FAM135B: variants seen among roughly 807,000 people sequenced by gnomAD.
The protein encoded by FAM135B is protein FAM135B.
FAM135B carries 43 observed loss-of-function variants against 127.7 expected under a neutral mutation model. The observed-to-expected ratio is 0.34, with a 90% confidence interval of 0.26 to 0.43. The LOEUF is 0.43. FAM135B is among the 20% of genes least tolerant of loss of function. The pLI is 1.00. For missense variants in FAM135B, 1,558 were observed against 1,725.6 expected, an observed-to-expected ratio of 0.90 and a Z score of 1.72; for synonymous variants, 670 against 665.1, an observed-to-expected ratio of 1.01 and a Z score of -0.11.
intron 2 of FAM135B, among the ~76,000 whole-genome samples, chr8:138,342,103 T>C (rs1038042238): frequency 6.6e-6 from 1 of 152,170 alleles, no homozygotes; most frequent in Admixed American, 6.5e-5. Flanking sequence ...GATCTCCACA[T>C]CTCTTCACCC....
intron 9 of FAM135B, among the ~76,000 whole-genome samples, chr8:138,192,613 T>C (rs1217396604): frequency 7.6e-5 from 3 of 39,366 alleles, no homozygotes; most frequent in Non-Finnish European, 1.9e-4. Context: ...TCTGGTCTTG[T>C]GGCCCTCACC....
intron 7 of FAM135B, among the ~76,000 whole-genome samples, chr8:138,211,913 C>A (rs1180852275): frequency 6.6e-6 from 1 of 151,962 alleles, no homozygotes; most frequent in Non-Finnish European, 1.5e-5. Context: ...ACTAAAAATA[C>A]AAAAATTAGC....
At chr8:138,493,891 ACCC>A (rs1564042111) in intron 1 of FAM135B, among the ~76,000 whole-genome samples, 1 of 152,260 alleles carries the variant, frequency 6.6e-6, no homozygotes, top group Non-Finnish European at 1.5e-5. Context: ...AGTTCCAGGT[ACCC>A]TGAAAACTGA....
chr8:138,327,540 C>T (rs1021063573), intron 2 of FAM135B, among the ~76,000 whole-genome samples: 11 of 152,202 alleles, frequency 7.2e-5, no homozygotes, highest in Admixed American at 4.6e-4. Context: ...CAAACATTCA[C>T]AAGTCATGCC....
chr8:138,359,526 T>A (rs1025375517), intron 2 of FAM135B, among the ~76,000 whole-genome samples: 5 of 152,190 alleles, frequency 3.3e-5, no homozygotes, highest in African/African-American at 9.7e-5. Flanking sequence ...ACTGCCCAGC[T>A]CTCTAACAGT....
At chr8:138,460,816 T>C (rs1837079706) in intron 1 of FAM135B, among the ~76,000 whole-genome samples, 1 of 152,118 alleles carries the variant, frequency 6.6e-6, no homozygotes, top group East Asian at 1.9e-4. Flanking sequence ...GCTGTGGTCA[T>C]TCTACTGCAA....
intron 9 of FAM135B, among the ~76,000 whole-genome samples, chr8:138,193,743 G>A (rs1227037538): frequency 1.3e-5 from 2 of 152,186 alleles, no homozygotes; most frequent in African/African-American, 4.8e-5. Context: ...CCCATGAGCA[G>A]AGCACTTAGG....
rs142000344 is a variant in FAM135B at position 138,195,442 on chromosome 8, C to T, written c.824-135G>A. The T allele has an allele frequency of 3.2e-4, 246 of 771,916 alleles. No individual in the cohort carries two copies. In the African/African-American group the frequency reaches 3.3e-3, roughly 10 times the overall value. The allele number at this position is 771,916 out of a possible 1,614,324, so 47.8% of individuals were successfully genotyped here. A position where few individuals can be genotyped will look rare whatever the true frequency, so the allele number is the denominator to read the frequency against. On this transcript the variant is annotated intron_variant, in intron 8 of 19. Transcript: ENST00000395297. ...CAAACACATTGCTGAGGACCTTCTA[C>T]CTATTCTAACTTCCTAAAGGGACTG... is the stretch of plus-strand genomic sequence containing the variant.
intron 7 of FAM135B, among the ~76,000 whole-genome samples, chr8:138,206,311 ACC>A: frequency 1.3e-5 from 2 of 151,392 alleles, no homozygotes; most frequent in African/African-American, 2.4e-5. Flanking sequence ...CCCTCCACCT[ACC>A]CACAGCTCTA....
chr8:138,357,123 A>G (rs909180287), intron 2 of FAM135B, among the ~76,000 whole-genome samples: 2 of 152,166 alleles, frequency 1.3e-5, no homozygotes, highest in Non-Finnish European at 2.9e-5. Flanking sequence ...CATATTATTT[A>G]TATTATCAAT....
intron 1 of FAM135B, among the ~76,000 whole-genome samples, chr8:138,411,590 A>T (rs199926208): frequency 6.6e-6 from 1 of 152,158 alleles, no homozygotes; most frequent in Admixed American, 6.5e-5. Flanking sequence ...GGACTTCATG[A>T]CTAAAACACC....
At chr8:138,245,273 G>A (rs1821188417) in intron 6 of FAM135B, among the ~76,000 whole-genome samples, 1 of 152,072 alleles carries the variant, frequency 6.6e-6, no homozygotes, top group Non-Finnish European at 1.5e-5. Flanking sequence ...ATAGTATCAG[G>A]GACCCCATTA....
At chr8:138,164,403 A>G (rs1819701836) in intron 12 of FAM135B, among the ~76,000 whole-genome samples, 1 of 152,184 alleles carries the variant, frequency 6.6e-6, no homozygotes, top group Non-Finnish European at 1.5e-5. Flanking sequence ...CCTCAAGCTC[A>G]ACACAGAAGC....
intron 3 of FAM135B, among the ~76,000 whole-genome samples, chr8:138,278,756 G>C (rs1427867403): frequency 6.6e-6 from 1 of 151,582 alleles, no homozygotes; most frequent in Admixed American, 6.6e-5. Context: ...TAGAGAGGGG[G>C]TTTCGCCACG....
chr8:138,442,269 T>TATATATATATATAC (rs1564005644), intron 1 of FAM135B, among the ~76,000 whole-genome samples: 3 of 135,508 alleles, frequency 2.2e-5, no homozygotes, highest in Non-Finnish European at 4.8e-5. Flanking sequence ...TATATATATA[T>TATATATATATATAC]ATATATATGA....
chr8:138,335,521 T>A (rs1463673830), intron 2 of FAM135B, among the ~76,000 whole-genome samples: 6 of 152,138 alleles, frequency 3.9e-5, no homozygotes, highest in Non-Finnish European at 5.9e-5. Flanking sequence ...GTCCATTACA[T>A]AATGGTAAAG....
chr8:138,309,932 C>A (rs914424607), intron 3 of FAM135B, among the ~76,000 whole-genome samples: 2 of 139,538 alleles, frequency 1.4e-5, no homozygotes, highest in African/African-American at 2.7e-5. Flanking sequence ...TGCAGTGGCA[C>A]AATCTTGGCT....
chr8:138,351,682 T>C (rs1203521959), intron 2 of FAM135B, among the ~76,000 whole-genome samples: 2 of 145,632 alleles, frequency 1.4e-5, no homozygotes, highest in African/African-American at 5.1e-5. Context: ...TTAGGGCAGA[T>C]CTTTTTTTTT....
At chr8:138,300,352 C>CATTTA (rs1238157890) in intron 3 of FAM135B, among the ~76,000 whole-genome samples, 1 of 152,056 alleles carries the variant, frequency 6.6e-6, no homozygotes, top group African/African-American at 2.4e-5. Flanking sequence ...AGCCTGGAGA[C>CATTTA]TGCCCTCCTG....
Sources: allele counts gnomAD v4.1 joint callset (sites outside exome capture counted in the v4.1 genomes callset), GRCh38; gene constraint gnomAD v4.1.1; transcripts MANE v1.5; gene names NCBI Gene and HGNC (gene_info 2026-07-23, HGNC 2026-07-21).